ITSN2: variants seen among roughly 807,000 people sequenced by gnomAD.
ITSN2 encodes intersectin-2.
Under a neutral mutation model 243.7 loss-of-function variants are expected in ITSN2, and 156 were observed. That is an observed-to-expected ratio of 0.64 (90% CI 0.56 to 0.73). The LOEUF is 0.73. Ranked by LOEUF, ITSN2 falls within the 30% of genes least tolerant of loss-of-function variation. The pLI is 0.00. For missense variants in ITSN2, 1,801 were observed against 1,996.1 expected (o/e 0.90, Z 1.86); for synonymous variants, 703 against 699.9 (o/e 1.00, Z -0.07).
chr2:24,269,426 G>A (rs900740386), intron 20 of ITSN2, among the ~76,000 whole-genome samples: 5 of 152,112 alleles, frequency 3.3e-5, no homozygotes, highest in Admixed American at 6.6e-5. Context: ...GTTCAAATCA[G>A]GCAACTCATG....
At chr2:24,210,644 A>G in intron 34 of ITSN2, 136 bp downstream of exon 34, 1 of 644,792 alleles carries the variant, frequency 1.6e-6, no homozygotes, top group Non-Finnish European at 2.5e-6. Flanking sequence ...AGAAAAAAAA[A>G]TGCCTTTGCA....
At chr2:24,309,579 G>A (rs938017090) in intron 7 of ITSN2, among the ~76,000 whole-genome samples, 2 of 152,186 alleles carry the variant, frequency 1.3e-5, no homozygotes, top group Non-Finnish European at 2.9e-5. Flanking sequence ...AAGACCATAA[G>A]AAGTATAGAA....
At chr2:24,351,253 T>A (rs1000675730) in intron 1 of ITSN2, among the ~76,000 whole-genome samples, 25 of 152,196 alleles carry the variant, frequency 1.6e-4, no homozygotes, top group Non-Finnish European at 5.9e-5. Flanking sequence ...ACATACCAGC[T>A]AGTATTGTTA....
intron 20 of ITSN2, among the ~76,000 whole-genome samples, chr2:24,262,420 G>T (rs148153793): frequency 3.3e-5 from 5 of 152,082 alleles, no homozygotes; most frequent in African/African-American, 9.6e-5. Flanking sequence ...CTCTCTAACA[G>T]AACAATAAGA....
chr2:24,262,220 T>C (rs1269360168), intron 20 of ITSN2, among the ~76,000 whole-genome samples: 5 of 152,228 alleles, frequency 3.3e-5, no homozygotes, highest in South Asian at 2.1e-4. Context: ...AATACTGTTA[T>C]AGCTTAATCT....
rs1358585681 is a variant in ITSN2, at chr2:24,251,328, A to AAAAATAAAAAAAAAT, written c.3120+1016_3120+1017insATTTTTTTTTATTTT. Reference sequence around the variant, plus strand: ...CCATCTCAAAAAAAAAAAAAAATAAAATATATATATATATATATATGTGTG... The same window carrying AAAAATAAAAAAAAAT: ...CCATCTCAAAAAAAAAAAAAAATAAAAAAATAAAAAAAAATATATATATATATATATATATGTGTG... On this transcript the variant is annotated intron_variant, in intron 25 of 39. Transcript: ENST00000355123. Among the ~76,000 whole-genome samples the AAAAATAAAAAAAAAT allele has an allele frequency of 1.1e-3, 8 of 6,992 alleles. 1 individual carries two copies. Among genetic ancestry groups the AAAAATAAAAAAAAAT allele is most frequent in the South Asian group, 5.9e-3 (2 of 340 alleles). The allele number at this position is 6,992 out of a possible 152,430, so 4.6% of individuals were successfully genotyped here. A position where few individuals can be genotyped will look rare whatever the true frequency, so the allele number is the denominator to read the frequency against.
intron 18 of ITSN2, among the ~76,000 whole-genome samples, chr2:24,273,430 A>G (rs1227876250): frequency 2.0e-5 from 3 of 152,248 alleles, no homozygotes; most frequent in African/African-American, 7.2e-5. Context: ...CAAGCCTAGT[A>G]ATTAATACCC....
intron 25 of ITSN2, among the ~76,000 whole-genome samples, chr2:24,251,309 C>CAAAAAAAAAATAAAAA (rs1275035112): frequency 0.097 from 2,131 of 21,986 alleles, 1,028 homozygotes; most frequent in East Asian, 0.14. Context: ...AACTCCATCT[C>CAAAAAAAAAATAAAAA]AAAAAAAAAA....
intron 1 of ITSN2, among the ~76,000 whole-genome samples, chr2:24,340,917 A>T (rs1327790681): frequency 6.6e-6 from 1 of 152,160 alleles, no homozygotes. Flanking sequence ...GAGGAAGACA[A>T]CTCTGACAAG....
chr2:24,334,519 A>G, intron 1 of ITSN2: 1 of 768,744 alleles, frequency 1.3e-6, no homozygotes, highest in Non-Finnish European at 2.3e-6. Context: ...AACATGGTGA[A>G]CATTCCTAAA....
intron 37 of ITSN2, among the ~76,000 whole-genome samples, chr2:24,207,242 C>G (rs1028102343): frequency 2.0e-5 from 3 of 151,862 alleles, no homozygotes; most frequent in Admixed American, 1.3e-4. Context: ...GGTGGGAGAT[C>G]GGGGGCCTGT....
At chr2:24,338,418 G>C (rs540500350) in intron 1 of ITSN2, among the ~76,000 whole-genome samples, 4 of 152,130 alleles carry the variant, frequency 2.6e-5, no homozygotes, top group Non-Finnish European at 5.9e-5. Flanking sequence ...ATAAAACCAA[G>C]CTGCACCCTG....
chr2:24,238,443 CCAA>C (rs1450683531), intron 29 of ITSN2, among the ~76,000 whole-genome samples: 1 of 152,084 alleles, frequency 6.6e-6, no homozygotes, highest in Non-Finnish European at 1.5e-5. Flanking sequence ...TTCTTTCCAC[CCAA>C]GGGCTTATAC....
intron 31 of ITSN2, 149 bp from the exon 32 acceptor site, chr2:24,216,381 G>C (rs971640394): frequency 3.4e-6 from 2 of 590,366 alleles, no homozygotes; most frequent in African/African-American, 3.9e-5. Context: ...AGGAAGAGGA[G>C]ATAGCTTGGG....
chr2:24,274,221 T>C (rs1362482857), intron 18 of ITSN2, among the ~76,000 whole-genome samples: 8 of 152,178 alleles, frequency 5.3e-5, no homozygotes, highest in Non-Finnish European at 1.2e-4. Context: ...TCGTTTGAAC[T>C]TTACTTTCTC....
intron 1 of ITSN2, among the ~76,000 whole-genome samples, chr2:24,337,905 C>T (rs1200590962): frequency 2.6e-5 from 4 of 152,106 alleles, no homozygotes; most frequent in Non-Finnish European, 4.4e-5. Context: ...GAAAAGTGTT[C>T]CTGTCTCATT....
chr2:24,338,222 CCAGTCTTTTCCTTT>C (rs1191468944), intron 1 of ITSN2, among the ~76,000 whole-genome samples: 1 of 152,144 alleles, frequency 6.6e-6, no homozygotes, highest in Non-Finnish European at 1.5e-5. Context: ...TCAACATAAC[CCAGTCTTTTCCTTT>C]CTATTGATCC....
At chr2:24,299,759 G>A in intron 12 of ITSN2, 150 bp downstream of exon 12, 1 of 680,296 alleles carries the variant, frequency 1.5e-6, no homozygotes. Flanking sequence ...TCAAGGGAAG[G>A]AATGATCAGA....
intron 29 of ITSN2, among the ~76,000 whole-genome samples, chr2:24,222,925 C>T (rs1056656442): frequency 4.6e-5 from 7 of 152,164 alleles, no homozygotes; most frequent in African/African-American, 1.2e-4. Context: ...ATCCGCCCAC[C>T]TTGGCCTCCC....
Sources: allele counts gnomAD v4.1 joint callset (sites outside exome capture counted in the v4.1 genomes callset), GRCh38; gene constraint gnomAD v4.1.1; transcripts MANE v1.5; gene names NCBI Gene and HGNC (gene_info 2026-07-23, HGNC 2026-07-21).